The following INTS8 variants were observed in gnomAD, a reference collection of about 807,000 sequenced individuals.
INTS8 encodes the protein integrator complex subunit 8.
INTS8 carries 47 observed loss-of-function variants against 138.9 expected under a neutral mutation model. The observed-to-expected ratio is 0.34, with a 90% CI of 0.27 to 0.43. The LOEUF (loss-of-function observed/expected upper bound fraction) is 0.43. Ranked by LOEUF, INTS8 falls within the 20% of genes least tolerant of loss-of-function variation. The pLI is 1.00. For synonymous variants in INTS8, 392 were observed against 400.9 expected (o/e 0.98, Z 0.27); for missense variants, 996 against 1,173.0 (o/e 0.85, Z 2.20).
chr8:94,858,601 A>G (rs948332733), intron 15 of INTS8, among the ~76,000 whole-genome samples: 2 of 152,228 alleles, frequency 1.3e-5, no homozygotes, highest in African/African-American at 4.8e-5. Flanking sequence ...CTTCAGGTGC[A>G]TAACTCATTT....
chr8:94,840,691 G>A (rs1815102343), intron 8 of INTS8, among the ~76,000 whole-genome samples: 1 of 151,252 alleles, frequency 6.6e-6, no homozygotes, highest in Admixed American at 6.6e-5. Flanking sequence ...CCGAGTAGCT[G>A]GGATTACAGG....
chr8:94,862,044 C>T (rs1275051874), intron 16 of INTS8, among the ~76,000 whole-genome samples: 2 of 151,446 alleles, frequency 1.3e-5, no homozygotes, highest in African/African-American at 4.9e-5. Flanking sequence ...AGTTTCAACC[C>T]ATTCTTGTGC....
rs989809476 is a variant in INTS8 at position 94,829,003 on chromosome 8, C to A, written c.547C>A (p.Leu183Ile). ...GAATCAAATGCAACAGGAAAAAGAG[C>A]TAACAGAAAACATTTTGAAAGTGGT... is the stretch of plus-strand genomic sequence containing the variant. The part of the protein sequence containing the change: ...VMNQMQQEKE[L>I]TENILKVLKE... Residue 183 changes from leucine (L) to isoleucine (I), a missense_variant, in exon 5 of 27, where the codon CTA (leucine) becomes ATA (isoleucine). Transcript: ENST00000523731. 6.3e-7 allele frequency: 1 copy of A among 1,599,130 alleles called. No homozygotes were observed. Among genetic ancestry groups the A allele is most frequent in the Non-Finnish European group, 8.5e-7 (1 of 1,172,134 alleles).
intron 26 of INTS8, among the ~76,000 whole-genome samples, chr8:94,877,615 A>C (rs765425234): frequency 2.0e-5 from 3 of 152,108 alleles, no homozygotes; most frequent in Non-Finnish European, 4.4e-5. Flanking sequence ...GTTCCTCTAC[A>C]TGTGTCAAAA....
Position 94,865,376 on chromosome 8 carries a change from C to A in INTS8, c.2077-130C>A, listed in dbSNP as rs534282928. ...TTCCTCAAAGGTTGTACAGAATGCA[C>A]AGCATAAAATAACTGTGCTTAGTAT... On this transcript the variant is annotated intron_variant, in intron 16 of 26. Transcript: ENST00000523731. 28 of 686,010 alleles carry A rather than the reference C, an allele frequency of 4.1e-5. No homozygotes were observed. The African/African-American group carries it at 5.1e-4, about 12-fold the overall frequency. The allele number at this position is 686,010 out of a possible 1,614,324, so 42.5% of individuals were successfully genotyped here.
chr8:94,881,351 A>G lies in INTS8; in HGVS notation c.*1117A>G. On this transcript the variant is annotated 3_prime_UTR_variant, in exon 27 of 27. Coordinates refer to ENST00000523731, the MANE Select transcript of INTS8 (RefSeq NM_017864.4). ...AGTAACACTGGATTAAAGGAAAAAC[A>G]TTGCTATGGTATAGACTGTGGTTGG... The G allele has an allele frequency of 2.4e-6, 1 of 409,786 alleles. No homozygotes were observed. Among genetic ancestry groups the G allele is most frequent in the Non-Finnish European group, 4.3e-6 (1 of 232,100 alleles). The allele number at this position is 409,786 out of a possible 1,614,324, so 25.4% of individuals were successfully genotyped here.
At chr8:94,849,893 T>A in intron 11 of INTS8, 23 bp from the exon 12 acceptor site, 1 of 1,540,994 alleles carries the variant, frequency 6.5e-7, no homozygotes, top group South Asian at 1.3e-5. Flanking sequence ...TTTTTTGTTT[T>A]ACAATATTTC....
intron 26 of INTS8, among the ~76,000 whole-genome samples, chr8:94,878,686 C>T (rs1816661214): frequency 6.6e-6 from 1 of 152,220 alleles, no homozygotes; most frequent in South Asian, 2.1e-4. Flanking sequence ...CTCCAGCCCC[C>T]TCAGCCCTCT....
Position 94,867,056 on chromosome 8 carries a change from G to A in INTS8, c.2296-84G>A, listed in dbSNP as rs186726148. 3.2e-4 allele frequency: 321 copies of A among 1,018,834 alleles called. No individual in the cohort carries two copies. The African/African-American group carries it at 4.8e-3, about 15-fold the overall frequency. The allele number at this position is 1,018,834 out of a possible 1,614,324, so 63.1% of individuals were successfully genotyped here. On this transcript the variant is annotated intron_variant, in intron 18 of 26. Transcript: ENST00000523731. ...TCAAAAGGCAAGGGTCTTTTAGAAT[G>A]CTTGATGTCTGTGAGGTTGACAGGA...
intron 10 of INTS8, among the ~76,000 whole-genome samples, chr8:94,846,944 A>C (rs1815353757): frequency 6.6e-6 from 1 of 152,252 alleles, no homozygotes; most frequent in South Asian, 2.1e-4. Context: ...AGACCCAACT[A>C]GGTCATGATC....
intron 10 of INTS8, among the ~76,000 whole-genome samples, chr8:94,844,269 C>T (rs1815249933): frequency 2.0e-5 from 3 of 151,976 alleles, no homozygotes. Context: ...AAACTCCTGA[C>T]CTCAGGTTAT....
intron 16 of INTS8, among the ~76,000 whole-genome samples, chr8:94,861,615 C>T (rs866337885): frequency 7.9e-5 from 12 of 151,276 alleles, no homozygotes; most frequent in Non-Finnish European, 1.2e-4. Flanking sequence ...TGCAATGGCA[C>T]GATCTCGGCT....
chr8:94,853,703 A>G (rs1815636824), intron 13 of INTS8, 102 bp from the exon 14 acceptor site: 1 of 643,166 alleles, frequency 1.6e-6, no homozygotes. Context: ...ACGACCCGTG[A>G]GTTATTTGTT....
At chr8:94,840,747 C>A (rs1163305130) in intron 8 of INTS8, among the ~76,000 whole-genome samples, 1 of 151,624 alleles carries the variant, frequency 6.6e-6, no homozygotes, top group Non-Finnish European at 1.5e-5. Flanking sequence ...TTAGTAGAGA[C>A]GGGATTTCAC....
chr8:94,879,542 C>G (rs1180409231), intron 26 of INTS8, among the ~76,000 whole-genome samples: 3 of 151,276 alleles, frequency 2.0e-5, no homozygotes, highest in Non-Finnish European at 4.4e-5. Context: ...CTGTAGTGAG[C>G]TGAGATCACG....
chr8:94,829,455 C>T (rs72676963), intron 5 of INTS8, among the ~76,000 whole-genome samples: 2,701 of 152,200 alleles, frequency 0.018, 38 homozygotes, highest in Non-Finnish European at 0.025. Flanking sequence ...CCCCATTGAT[C>T]TGACAGGAGG....
chr8:94,880,138 A>G lies in INTS8; in HGVS notation c.2892A>G (p.Thr964=). The G allele has an allele frequency of 6.2e-7, 1 of 1,609,628 alleles. No homozygotes were observed. The highest frequency in any genetic ancestry group is 8.5e-7 in the Non-Finnish European group (1 of 1,178,666). ...GGAAGATCAAAGCCATCGGCCAGACAGAGTTGAATGCAAGCAATCCAGAAG... is the reference window on the plus strand; with the variant it reads ...GGAAGATCAAAGCCATCGGCCAGACGGAGTTGAATGCAAGCAATCCAGAAG... ...RQIAIKAIGQ[T]ELNASNPEEV... is the part of the protein sequence containing the mutation. The change falls in exon 27 of 27, where the codon ACA becomes ACG. Residue 964 remains threonine, a synonymous_variant. Coordinates refer to ENST00000523731, the MANE Select transcript of INTS8 (RefSeq NM_017864.4).
intron 16 of INTS8, among the ~76,000 whole-genome samples, chr8:94,861,256 A>ATTTTTTTTGTTTTTTTTTTT (rs1815962869): frequency 1.7e-5 from 1 of 57,376 alleles, no homozygotes; most frequent in African/African-American, 7.3e-5. Context: ...CCTTTTTGTA[A>ATTTTTTTTGTTTTTTTTTTT]TTTTTTTTTT....
chr8:94,860,925 C>T (rs1032151545), intron 16 of INTS8, among the ~76,000 whole-genome samples: 13 of 151,410 alleles, frequency 8.6e-5, no homozygotes, highest in East Asian at 2.0e-4. Context: ...GGCGTAGTGG[C>T]GGGCTCCTGT....
Sources: gnomAD v4.1 joint callset for allele counts (sites outside exome capture counted in the v4.1 genomes callset) on GRCh38, gnomAD v4.1.1 for gene constraint, MANE v1.5 for transcripts, NCBI Gene and HGNC (gene_info 2026-07-23, HGNC 2026-07-21) for gene names.